SLC35F3: variants seen among roughly 807,000 people sequenced by gnomAD.
SLC35F3 encodes solute carrier family 35 member F3, also known as putative thiamine transporter SLC35F3.
A neutral mutation model predicts 49.9 loss-of-function variants in SLC35F3; 25 were observed. The ratio of observed to expected loss-of-function variants is 0.50; its 90% CI spans 0.37 to 0.70. The LOEUF is 0.70. Among genes scored for constraint, SLC35F3 ranks in the 30% least tolerant of loss-of-function variants. The pLI, the probability that SLC35F3 is intolerant of heterozygous loss-of-function variation, is 0.00. For synonymous variants in SLC35F3, 275 were observed against 265.4 expected (o/e 1.04, Z -0.35); for missense variants, 525 against 639.8 (o/e 0.82, Z 1.94).
intron 3 of SLC35F3, among the ~76,000 whole-genome samples, chr1:234,240,713 A>G (rs1667542313): frequency 6.6e-6 from 1 of 152,230 alleles, no homozygotes; most frequent in Non-Finnish European, 1.5e-5. Flanking sequence ...GATGATGATG[A>G]TAACATAGTA....
At chr1:233,990,423 A>G (rs1375162404) in intron 2 of SLC35F3, among the ~76,000 whole-genome samples, 2 of 152,126 alleles carry the variant, frequency 1.3e-5, no homozygotes, top group African/African-American at 4.8e-5. Context: ...CCAATTTTCT[A>G]TTTTTTCCAT....
At chr1:234,318,646 T>G in intron 5 of SLC35F3, 105 bp from the exon 6 acceptor site, 1 of 953,756 alleles carries the variant, frequency 1.0e-6, no homozygotes, top group South Asian at 1.8e-5. Flanking sequence ...CTGGTTTCCA[T>G]CCTGCAGTGC....
intron 3 of SLC35F3, among the ~76,000 whole-genome samples, chr1:234,254,228 G>T (rs533396751): frequency 6.6e-6 from 1 of 152,072 alleles, no homozygotes; most frequent in Non-Finnish European, 1.5e-5. Context: ...CTATGCACTG[G>T]CTTTCTATAT....
intron 2 of SLC35F3, among the ~76,000 whole-genome samples, chr1:234,009,431 A>G (rs1305967979): frequency 6.6e-6 from 1 of 152,216 alleles, no homozygotes; most frequent in Non-Finnish European, 1.5e-5. Flanking sequence ...ATGACATGTA[A>G]TCACACAGGG....
intron 2 of SLC35F3, among the ~76,000 whole-genome samples, chr1:233,949,070 T>G (rs1463044244): frequency 6.6e-6 from 1 of 152,058 alleles, no homozygotes; most frequent in African/African-American, 2.4e-5. Context: ...TAATCTCGTC[T>G]GAAAGTTCTG....
At chr1:233,922,740 G>A (rs796827471) in intron 2 of SLC35F3, among the ~76,000 whole-genome samples, 5 of 152,098 alleles carry the variant, frequency 3.3e-5, no homozygotes, top group African/African-American at 1.2e-4. Context: ...TGTCATGAAT[G>A]GTATTGCCTA....
intron 2 of SLC35F3, among the ~76,000 whole-genome samples, chr1:234,169,420 T>C (rs1278335431): frequency 1.3e-5 from 2 of 152,134 alleles, no homozygotes; most frequent in African/African-American, 4.8e-5. Flanking sequence ...GTTAGCAACA[T>C]GACAAGGACA....
At chr1:233,936,203 C>T (rs993140475) in intron 2 of SLC35F3, among the ~76,000 whole-genome samples, 1 of 152,182 alleles carries the variant, frequency 6.6e-6, no homozygotes, top group South Asian at 2.1e-4. Flanking sequence ...ATGGCCCCCC[C>T]AGGGTTGCAG....
chr1:234,263,627 G>A (rs1350071148), intron 3 of SLC35F3, among the ~76,000 whole-genome samples: 1 of 152,156 alleles, frequency 6.6e-6, no homozygotes, highest in Non-Finnish European at 1.5e-5. Flanking sequence ...GAAACTCTGG[G>A]GATGAGGCCC....
chr1:234,155,395 G>GATTATTATTATTATTAAT (rs1553310157), intron 2 of SLC35F3, among the ~76,000 whole-genome samples: 7 of 149,344 alleles, frequency 4.7e-5, no homozygotes, highest in Non-Finnish European at 8.9e-5. Flanking sequence ...CTATTCACCT[G>GATTATTATTATTATTAAT]ATTATTATTA....
At chr1:234,060,703 T>C (rs1664527113) in intron 2 of SLC35F3, among the ~76,000 whole-genome samples, 1 of 152,146 alleles carries the variant, frequency 6.6e-6, no homozygotes, top group Admixed American at 6.5e-5. Context: ...CCACCTGCCT[T>C]GGCCTCCCAA....
At position 234,323,322 on chromosome 1, in the gene SLC35F3, C is replaced by T. The variant is rs1274914890; in HGVS notation, c.*79C>T. 6 of 1,238,508 alleles carry T rather than the reference C, an allele frequency of 4.8e-6. No individual in the cohort carries two copies. The highest frequency in any genetic ancestry group is 1.5e-5 in the African/African-American group (1 of 66,222). 76.7% of individuals were successfully genotyped at this position (1,238,508 alleles called of 1,614,324 possible). A position where few individuals can be genotyped will look rare whatever the true frequency, so the allele number is the denominator to read the frequency against. On this transcript the variant is annotated 3_prime_UTR_variant, in exon 8 of 8. Transcript: ENST00000366618. The surrounding 1 kb of genome is among the most constrained non-coding windows in gnomAD (Gnocchi z 4.5). ...AGGAACCTCAGTTGGGTAAGGTGTA[C>T]ATACCTGTACAGTTTTGGTCATCTG...
chr1:234,040,501 C>T (rs892226461), intron 2 of SLC35F3, among the ~76,000 whole-genome samples: 1 of 152,188 alleles, frequency 6.6e-6, no homozygotes, highest in Non-Finnish European at 1.5e-5. Context: ...TTCTCTGCCC[C>T]CTGCTTCTAT....
At chr1:234,152,729 T>C (rs992773150) in intron 2 of SLC35F3, among the ~76,000 whole-genome samples, 3 of 152,192 alleles carry the variant, frequency 2.0e-5, no homozygotes, top group Non-Finnish European at 4.4e-5. Context: ...TTATAATCCT[T>C]TGGGTATATA....
At chr1:233,983,942 A>G (rs1300636090) in intron 2 of SLC35F3, among the ~76,000 whole-genome samples, 1 of 152,170 alleles carries the variant, frequency 6.6e-6, no homozygotes, top group African/African-American at 2.4e-5. Flanking sequence ...TCTAATCAAG[A>G]CTATGCCGGA....
chr1:234,193,627 C>T (rs1426158696), intron 2 of SLC35F3, among the ~76,000 whole-genome samples: 1 of 152,152 alleles, frequency 6.6e-6, no homozygotes, highest in Non-Finnish European at 1.5e-5. Context: ...TTCTGCACAG[C>T]AAAAGGAAGA....
chr1:234,125,749 A>C (rs966148278), intron 2 of SLC35F3, among the ~76,000 whole-genome samples: 1 of 152,130 alleles, frequency 6.6e-6, no homozygotes, highest in Non-Finnish European at 1.5e-5. Context: ...CATCCTCTGC[A>C]TTGTTCACAT....
chr1:234,089,822 G>A (rs1218928524), intron 2 of SLC35F3, among the ~76,000 whole-genome samples: 1 of 152,048 alleles, frequency 6.6e-6, no homozygotes, highest in Non-Finnish European at 1.5e-5. Flanking sequence ...AAGTGAGAGA[G>A]AAGTGGCATA....
intron 2 of SLC35F3, among the ~76,000 whole-genome samples, chr1:234,128,247 A>C (rs113565254): frequency 1.3e-3 from 157 of 124,054 alleles, no homozygotes; most frequent in Non-Finnish European, 2.2e-3. Flanking sequence ...GCATGTTTTG[A>C]TTTGGCTTCC....
Sources: allele counts gnomAD v4.1 joint callset (sites outside exome capture counted in the v4.1 genomes callset), GRCh38; gene constraint gnomAD v4.1.1; non-coding constraint Gnocchi (gnomAD v3.1); transcripts MANE v1.5; gene names NCBI Gene and HGNC (gene_info 2026-07-23, HGNC 2026-07-21).